Variants in DAB1 observed in about 807,000 individuals in gnomAD.
The protein encoded by DAB1 is disabled homolog 1.
A neutral mutation model predicts 64.6 loss-of-function variants in DAB1; 15 were observed. That is an observed-to-expected ratio of 0.23 (90% CI 0.16 to 0.36). The LOEUF (loss-of-function observed/expected upper bound fraction) is 0.36, where lower values mean the gene tolerates loss of function less well. Among genes scored for constraint, DAB1 ranks in the 10% least tolerant of loss-of-function variants. The pLI is 1.00. For missense variants in DAB1, 596 were observed against 706.7 expected (o/e 0.84, Z 1.78); for synonymous variants, 235 against 251.9 (o/e 0.93, Z 0.64).
At chr1:57,493,713 G>A (rs568943675) in intron 7 of DAB1, among the ~76,000 whole-genome samples, 2 of 151,266 alleles carry the variant, frequency 1.3e-5, no homozygotes, top group Non-Finnish European at 2.9e-5. Flanking sequence ...GGGTGAGACC[G>A]AAAGATGAAG....
At chr1:57,520,298 G>A (rs565342664) in intron 7 of DAB1, among the ~76,000 whole-genome samples, 1 of 152,116 alleles carries the variant, frequency 6.6e-6, no homozygotes, top group Non-Finnish European at 1.5e-5. Context: ...GATATTTACT[G>A]TCTCATTCTA....
At chr1:58,111,999 C>T (rs1036058349) in intron 5 of DAB1, among the ~76,000 whole-genome samples, 2 of 152,186 alleles carry the variant, frequency 1.3e-5, no homozygotes, top group Admixed American at 6.5e-5. Flanking sequence ...CTACACCATC[C>T]GTCTAACTCT....
chr1:57,890,999 C>T (rs1644304575), intron 5 of DAB1, among the ~76,000 whole-genome samples: 1 of 152,056 alleles, frequency 6.6e-6, no homozygotes, highest in Non-Finnish European at 1.5e-5. Flanking sequence ...GCAACAAAAG[C>T]CAAAATTGAT....
chr1:57,259,580 T>G (rs541983770), intron 2 of DAB1, among the ~76,000 whole-genome samples: 2 of 152,298 alleles, frequency 1.3e-5, no homozygotes, highest in African/African-American at 4.8e-5. Context: ...GCCCTGCTGA[T>G]TCCTAGTTAG....
chr1:57,829,284 T>C (rs539902803), intron 1 of DAB1, among the ~76,000 whole-genome samples: 1 of 152,330 alleles, frequency 6.6e-6, no homozygotes, highest in Admixed American at 6.5e-5. Flanking sequence ...AAAAATGAAG[T>C]ATAAAAACAA....
At chr1:57,059,051 T>A (rs1255137041) in intron 9 of DAB1, among the ~76,000 whole-genome samples, 3 of 152,142 alleles carry the variant, frequency 2.0e-5, no homozygotes, top group Admixed American at 2.0e-4. Context: ...AGAGAGGGTG[T>A]GTAATCCCCT....
intron 8 of DAB1, among the ~76,000 whole-genome samples, chr1:57,064,944 C>T (rs1252829348): frequency 6.6e-6 from 1 of 152,170 alleles, no homozygotes; most frequent in African/African-American, 2.4e-5. Context: ...AAATTACCAG[C>T]CCTCACTTTT....
intron 6 of DAB1, among the ~76,000 whole-genome samples, chr1:57,775,786 TGA>T (rs1649768771): frequency 6.6e-6 from 1 of 151,652 alleles, no homozygotes; most frequent in Non-Finnish European, 1.5e-5. Flanking sequence ...TTTCAATTAC[TGA>T]GAGAAGAAAT....
intron 4 of DAB1, among the ~76,000 whole-genome samples, chr1:58,274,621 A>T (rs1167498973): frequency 1.3e-5 from 2 of 151,548 alleles, no homozygotes; most frequent in African/African-American, 4.9e-5. Flanking sequence ...GCCGCCTTGC[A>T]GTTTGATCTC....
intron 3 of DAB1, among the ~76,000 whole-genome samples, chr1:58,453,228 G>T (rs1645159186): frequency 6.6e-6 from 1 of 152,058 alleles, no homozygotes; most frequent in Admixed American, 6.5e-5. Flanking sequence ...AGAGGTGGGG[G>T]AGTGTGAAGC....
At chr1:57,748,893 A>G (rs1648416054) in intron 6 of DAB1, among the ~76,000 whole-genome samples, 1 of 152,238 alleles carries the variant, frequency 6.6e-6, no homozygotes, top group Non-Finnish European at 1.5e-5. Context: ...AGCCATGCGT[A>G]CGATGAAAAG....
intron 7 of DAB1, among the ~76,000 whole-genome samples, chr1:57,468,889 T>C (rs1433244353): frequency 6.6e-6 from 1 of 152,146 alleles, no homozygotes; most frequent in Non-Finnish European, 1.5e-5. Flanking sequence ...AACTCAGTGT[T>C]GATCACTGTG....
intron 6 of DAB1, among the ~76,000 whole-genome samples, chr1:57,779,762 T>C (rs184866317): frequency 6.6e-6 from 1 of 152,178 alleles, no homozygotes; most frequent in African/African-American, 2.4e-5. Context: ...TTGAGCAGAG[T>C]ATAGAAAAAT....
intron 6 of DAB1, among the ~76,000 whole-genome samples, chr1:57,662,629 C>CA (rs1037332970): frequency 5.9e-5 from 9 of 152,152 alleles, no homozygotes; most frequent in South Asian, 4.2e-4. Context: ...CAGACCTGGG[C>CA]AAAAAATGAG....
intron 7 of DAB1, among the ~76,000 whole-genome samples, chr1:57,627,226 A>G (rs920379891): frequency 1.6e-4 from 24 of 152,124 alleles, no homozygotes; most frequent in African/African-American, 5.8e-4. Flanking sequence ...CTGGGAATCT[A>G]CATTATTGGC....
chr1:57,581,727 AAT>A (rs1231006203), intron 7 of DAB1, among the ~76,000 whole-genome samples: 6 of 148,548 alleles, frequency 4.0e-5, no homozygotes, highest in Non-Finnish European at 8.9e-5. Flanking sequence ...ATTATTATAT[AAT>A]ATATATTATA....
At chr1:57,001,854 C>T (rs547398397) in intron 14 of DAB1, among the ~76,000 whole-genome samples, 31 of 152,276 alleles carry the variant, frequency 2.0e-4, no homozygotes, top group South Asian at 4.1e-4. Flanking sequence ...GCAGGTGACA[C>T]GAGCCACTGT....
At chr1:58,435,520 C>G (rs971770300) in intron 3 of DAB1, among the ~76,000 whole-genome samples, 1 of 152,122 alleles carries the variant, frequency 6.6e-6, no homozygotes, top group African/African-American at 2.4e-5. Context: ...ACAGACACCC[C>G]CAAGGATGAT....
intron 6 of DAB1, among the ~76,000 whole-genome samples, chr1:57,694,503 G>A (rs1187717732): frequency 6.6e-6 from 1 of 152,126 alleles, no homozygotes; most frequent in African/African-American, 2.4e-5. Context: ...TTAATTTAGA[G>A]ATATAGAGGT....
Sources: allele counts gnomAD v4.1 joint callset (sites outside exome capture counted in the v4.1 genomes callset), GRCh38; gene constraint gnomAD v4.1.1; transcripts MANE v1.5; gene names NCBI Gene and HGNC (gene_info 2026-07-23, HGNC 2026-07-21).